Variants in TSGA10 observed in about 807,000 individuals in gnomAD.
The protein encoded by TSGA10 is testis-specific gene 10 protein.
TSGA10 carries 43 observed loss-of-function variants against 96.6 expected under a neutral mutation model. The ratio of observed to expected loss-of-function variants is 0.44; its 90% CI spans 0.35 to 0.57. TSGA10 has a LOEUF of 0.57. TSGA10 is among the 20% of genes least tolerant of loss of function. The pLI, the probability that TSGA10 is intolerant of heterozygous loss-of-function variation, is 0.01. For missense variants in TSGA10, 703 were observed against 834.4 expected, an observed-to-expected ratio of 0.84 and a Z score of 1.94; for synonymous variants, 229 against 269.9, an observed-to-expected ratio of 0.85 and a Z score of 1.48.
At chr2:99,083,224 A>C (rs2087761409) in intron 10 of TSGA10, among the ~76,000 whole-genome samples, 1 of 152,134 alleles carries the variant, frequency 6.6e-6, no homozygotes, top group Non-Finnish European at 1.5e-5. Context: ...GACAATTATA[A>C]ATGGGGGAGG....
intron 2 of TSGA10, among the ~76,000 whole-genome samples, chr2:99,124,462 T>G (rs180775827): frequency 1.3e-5 from 2 of 152,184 alleles, no homozygotes; most frequent in African/African-American, 4.8e-5. Context: ...AAAAATTGAT[T>G]AGGAAGTACA....
At chr2:99,007,249 A>T (rs927318110) in intron 20 of TSGA10, among the ~76,000 whole-genome samples, 1 of 152,194 alleles carries the variant, frequency 6.6e-6, no homozygotes, top group Admixed American at 6.5e-5. Context: ...TATGTAACAA[A>T]CCTGCACATT....
chr2:99,025,037 T>C lies in TSGA10; in HGVS notation c.1615-4555A>G, dbSNP rs117860478. Among the ~76,000 whole-genome samples the C allele has an allele frequency of 2.1e-4, 32 of 152,328 alleles. No individual in the cohort carries two copies. In the East Asian group the frequency reaches 5.6e-3, roughly 27 times the overall value. On this transcript the variant is annotated intron_variant, in intron 17 of 20. Coordinates refer to ENST00000393483, the MANE Select transcript of TSGA10 (RefSeq NM_025244.4). The stretch of plus-strand genomic sequence containing the variant: ...TTATGTGTTGTTGGATTCAGTGTTA[T>C]AGTATTTTCTCGAGAATTTTTCATC...
At chr2:99,075,779 C>A (rs551595176) in intron 12 of TSGA10, among the ~76,000 whole-genome samples, 1 of 151,800 alleles carries the variant, frequency 6.6e-6, no homozygotes, top group South Asian at 2.1e-4. Flanking sequence ...TGTTACGGTT[C>A]GCAGAATGGA....
chr2:99,003,376 C>T (rs1231668039), intron 20 of TSGA10, among the ~76,000 whole-genome samples: 3 of 152,174 alleles, frequency 2.0e-5, no homozygotes, highest in Non-Finnish European at 2.9e-5. Context: ...CCACTGTCAA[C>T]ATTAGACAGA....
chr2:99,016,174 A>G (rs1201450656), intron 20 of TSGA10, among the ~76,000 whole-genome samples: 1 of 152,152 alleles, frequency 6.6e-6, no homozygotes, highest in East Asian at 1.9e-4. Flanking sequence ...ATGGAACCTC[A>G]AAAGACCCCA....
intron 10 of TSGA10, among the ~76,000 whole-genome samples, chr2:99,094,362 G>A (rs567689800): frequency 6.6e-6 from 1 of 152,032 alleles, no homozygotes; most frequent in Non-Finnish European, 1.5e-5. Context: ...TTACGACCAA[G>A]AACCCAAAAG....
intron 10 of TSGA10, among the ~76,000 whole-genome samples, chr2:99,088,033 A>G (rs1324974155): frequency 6.6e-6 from 1 of 152,240 alleles, no homozygotes; most frequent in Admixed American, 6.5e-5. Flanking sequence ...TGGATGGAAC[A>G]AAGTAAACTC....
chr2:99,080,827 A>G (rs550883706), intron 11 of TSGA10, among the ~76,000 whole-genome samples: 1 of 152,184 alleles, frequency 6.6e-6, no homozygotes, highest in Non-Finnish European at 1.5e-5. Flanking sequence ...AAACTTTAAA[A>G]AAGTAACTTT....
intron 15 of TSGA10, among the ~76,000 whole-genome samples, chr2:99,068,673 G>C (rs895412490): frequency 1.8e-4 from 27 of 152,070 alleles, no homozygotes; most frequent in African/African-American, 6.5e-4. Context: ...GATTCTGCTT[G>C]TCTAGAGTGG....
At chr2:99,119,844 C>A (rs2092478759) in intron 2 of TSGA10, among the ~76,000 whole-genome samples, 1 of 152,128 alleles carries the variant, frequency 6.6e-6, no homozygotes, top group African/African-American at 2.4e-5. Flanking sequence ...CAGCTACTTT[C>A]TTTTAAAACA....
intron 1 of TSGA10, among the ~76,000 whole-genome samples, chr2:99,131,493 T>C (rs2093081512): frequency 1.3e-5 from 2 of 152,340 alleles, no homozygotes; most frequent in South Asian, 2.1e-4. Flanking sequence ...TTTGCTGAAG[T>C]TGCTTATCAG....
intron 16 of TSGA10, among the ~76,000 whole-genome samples, chr2:99,037,354 T>C (rs1260864901): frequency 6.6e-6 from 1 of 151,934 alleles, no homozygotes; most frequent in African/African-American, 2.4e-5. Context: ...AGTTGGAAAA[T>C]CCCAAAATAT....
intron 16 of TSGA10, among the ~76,000 whole-genome samples, chr2:99,064,088 C>T (rs1481795553): frequency 6.6e-6 from 1 of 152,208 alleles, no homozygotes; most frequent in Middle Eastern, 3.4e-3. Flanking sequence ...TTGACAAAAA[C>T]TTAGAAGAGC....
chr2:99,068,486 C>T (rs2085525132), intron 15 of TSGA10, among the ~76,000 whole-genome samples: 1 of 152,100 alleles, frequency 6.6e-6, no homozygotes, highest in South Asian at 2.1e-4. Context: ...GAACCATCTG[C>T]CTTGTGGTCC....
rs2091576499 is a variant in TSGA10 at position 99,108,904 on chromosome 2, A to G, written c.139T>C (p.Leu47=). Residue 47 remains leucine, a synonymous_variant, in exon 7 of 21, where the codon TTG becomes CTG. Coordinates refer to ENST00000393483, the MANE Select transcript of TSGA10 (RefSeq NM_025244.4). ...KCMLEKYERH[L]AEIQGNVKVL... ...TTGACATTACCCTGAATTTCTGCCA[A>G]ATGGCGCTCATATTTTTCCAGCATG... The G allele has an allele frequency of 1.9e-6, 3 of 1,607,606 alleles. No individual in the cohort carries two copies. Among genetic ancestry groups the G allele is most frequent in the Admixed American group, 1.7e-5 (1 of 58,290 alleles).
At chr2:99,116,682 C>T (rs899036607) in intron 4 of TSGA10, among the ~76,000 whole-genome samples, 3 of 150,320 alleles carry the variant, frequency 2.0e-5, no homozygotes, top group African/African-American at 7.4e-5. Flanking sequence ...AAATCTCAGA[C>T]ATCAGTAAGA....
intron 16 of TSGA10, among the ~76,000 whole-genome samples, chr2:99,060,445 C>T (rs910247037): frequency 6.6e-6 from 1 of 152,054 alleles, no homozygotes; most frequent in African/African-American, 2.4e-5. Flanking sequence ...AAAGACCTGC[C>T]TAAATAAATA....
chr2:99,060,081 C>T (rs952705530), intron 16 of TSGA10, among the ~76,000 whole-genome samples: 7 of 152,014 alleles, frequency 4.6e-5, no homozygotes, highest in African/African-American at 1.7e-4. Flanking sequence ...AAGAAAAAGG[C>T]GTTCTGAGAA....
Sources: gnomAD v4.1 joint callset for allele counts (sites outside exome capture counted in the v4.1 genomes callset) on GRCh38, gnomAD v4.1.1 for gene constraint, MANE v1.5 for transcripts, NCBI Gene and HGNC (gene_info 2026-07-23, HGNC 2026-07-21) for gene names.